QTMAN: variants seen among roughly 807,000 people sequenced by gnomAD.
The protein encoded by QTMAN is queuosine-tRNA mannosyltransferase.
the QTMAN span, among the ~76,000 whole-genome samples, chr2:144,133,138 TATATATATATATA>T: frequency 2.1e-4 from 9 of 42,566 alleles, 1 homozygote; most frequent in African/African-American, 1.2e-3. Flanking sequence ...TATATATATA[TATATATATATATA>T]ATATAATATA....
chr2:144,276,772 C>A, the QTMAN span, among the ~76,000 whole-genome samples: 1 of 152,184 alleles, frequency 6.6e-6, no homozygotes, highest in Non-Finnish European at 1.5e-5. Context: ...CAATGGTCTA[C>A]ACTCGCATGG....
the QTMAN span, among the ~76,000 whole-genome samples, chr2:144,310,909 T>A: frequency 6.6e-6 from 1 of 152,244 alleles, no homozygotes; most frequent in Non-Finnish European, 1.5e-5. Context: ...ATAAAGATTT[T>A]TTTTTTGGCA....
At chr2:144,112,086 A>AT in the QTMAN span, among the ~76,000 whole-genome samples, 1 of 152,218 alleles carries the variant, frequency 6.6e-6, no homozygotes, top group Non-Finnish European at 1.5e-5. Context: ...CATTGGTATA[A>AT]TATTGCACTA....
the QTMAN span, among the ~76,000 whole-genome samples, chr2:143,993,743 T>C: frequency 5.9e-5 from 9 of 152,302 alleles, no homozygotes; most frequent in Non-Finnish European, 1.2e-4. Context: ...TCTGTTGTTT[T>C]AGGCTGCCAA....
At chr2:144,332,969 C>T in the QTMAN span, among the ~76,000 whole-genome samples, 1 of 152,202 alleles carries the variant, frequency 6.6e-6, no homozygotes, top group Admixed American at 6.5e-5. Flanking sequence ...CATCTCCTTT[C>T]CTGGTCCACT....
chr2:144,197,742 C>A, the QTMAN span, among the ~76,000 whole-genome samples: 1 of 152,098 alleles, frequency 6.6e-6, no homozygotes, highest in South Asian at 2.1e-4. Context: ...TATTAATGTT[C>A]TCATTTAGAA....
the QTMAN span, among the ~76,000 whole-genome samples, chr2:144,066,738 C>T: frequency 5.3e-5 from 8 of 152,196 alleles, no homozygotes; most frequent in Admixed American, 5.2e-4. Flanking sequence ...ATTGCTTGAA[C>T]CTGGGAGGCG....
At chr2:144,151,063 A>G in the QTMAN span, among the ~76,000 whole-genome samples, 4 of 152,288 alleles carry the variant, frequency 2.6e-5, no homozygotes, top group East Asian at 1.9e-4. Flanking sequence ...CATGAAAATA[A>G]TCTTGGTTTT....
the QTMAN span, among the ~76,000 whole-genome samples, chr2:144,157,299 T>C: frequency 6.6e-6 from 1 of 152,058 alleles, no homozygotes; most frequent in Non-Finnish European, 1.5e-5. Flanking sequence ...TTCTATTGCC[T>C]ACATTTGAGG....
chr2:144,160,628 C>T, the QTMAN span, among the ~76,000 whole-genome samples: 3 of 152,208 alleles, frequency 2.0e-5, no homozygotes, highest in South Asian at 2.1e-4. Flanking sequence ...AAGACTGTAA[C>T]GCAGTGATCA....
At chr2:143,999,253 C>A in the QTMAN span, among the ~76,000 whole-genome samples, 3 of 151,856 alleles carry the variant, frequency 2.0e-5, no homozygotes, top group African/African-American at 7.3e-5. Context: ...GCCTTCGGTG[C>A]GTGGACATTC....
chr2:144,280,068 C>T, the QTMAN span, among the ~76,000 whole-genome samples: 3 of 151,884 alleles, frequency 2.0e-5, no homozygotes, highest in Non-Finnish European at 2.9e-5. Flanking sequence ...AATAAATGGC[C>T]GAAATTTTTA....
chr2:144,304,367 C>A, the QTMAN span, among the ~76,000 whole-genome samples: 29 of 152,160 alleles, frequency 1.9e-4, no homozygotes, highest in African/African-American at 6.8e-4. Context: ...AAACTGCCTG[C>A]TAAAACTGAA....
chr2:144,181,477 C>T, the QTMAN span, among the ~76,000 whole-genome samples: 2 of 152,102 alleles, frequency 1.3e-5, no homozygotes, highest in African/African-American at 4.8e-5. Context: ...CACTAATAAG[C>T]TCAATGTTCT....
At chr2:143,977,822 C>T in the QTMAN span, among the ~76,000 whole-genome samples, 42 of 152,262 alleles carry the variant, frequency 2.8e-4, no homozygotes, top group African/African-American at 8.7e-4. Context: ...ATATTCTCAA[C>T]TTTCTTTTTA....
At chr2:144,259,433 A>G in the QTMAN span, among the ~76,000 whole-genome samples, 1 of 152,176 alleles carries the variant, frequency 6.6e-6, no homozygotes, top group Admixed American at 6.5e-5. Context: ...TGCTGGGATT[A>G]CAGGCATGAG....
At chr2:144,196,465 C>A in the QTMAN span, among the ~76,000 whole-genome samples, 1 of 151,916 alleles carries the variant, frequency 6.6e-6, no homozygotes, top group Non-Finnish European at 1.5e-5. Context: ...GAGCTAAAAT[C>A]CCCCCATGCC....
At chr2:144,305,282 A>T in the QTMAN span, among the ~76,000 whole-genome samples, 4 of 152,218 alleles carry the variant, frequency 2.6e-5, no homozygotes, top group African/African-American at 9.6e-5. Flanking sequence ...TTTAATATAT[A>T]GTACATGAAA....
At chr2:144,161,704 T>A in the QTMAN span, among the ~76,000 whole-genome samples, 10 of 152,126 alleles carry the variant, frequency 6.6e-5, no homozygotes, top group African/African-American at 2.4e-4. Context: ...CCAGCCCAAG[T>A]AAGTAGTAAA....
Sources: gnomAD v4.1 joint callset for allele counts (sites outside exome capture counted in the v4.1 genomes callset) on GRCh38, gnomAD v4.1.1 for gene constraint, MANE v1.5 for transcripts, NCBI Gene and HGNC (gene_info 2026-07-23, HGNC 2026-07-21) for gene names.